Variants in CSMD1 observed in about 807,000 individuals in gnomAD.
CSMD1 encodes CUB and Sushi multiple domains 1.
A neutral mutation model predicts 417.5 loss-of-function variants in CSMD1; 213 were observed. That is an observed-to-expected ratio of 0.51 (90% CI 0.46 to 0.57). The LOEUF is 0.57. Among genes scored for constraint, CSMD1 ranks in the 20% least tolerant of loss-of-function variants. The pLI, the probability that CSMD1 is intolerant of heterozygous loss-of-function variation, is 0.00. For missense variants in CSMD1, 6,923 were observed against 4,529.7 expected, an observed-to-expected ratio of 1.53 and a Z score of -15.17; for synonymous variants, 2,862 against 1,736.8, an observed-to-expected ratio of 1.65 and a Z score of -16.11.
intron 6 of CSMD1, among the ~76,000 whole-genome samples, chr8:3,726,283 C>G (rs1215791437): frequency 1.3e-5 from 2 of 152,170 alleles, no homozygotes; most frequent in African/African-American, 4.8e-5. Context: ...ACATCGTCTC[C>G]CTTAAAAAAT....
intron 6 of CSMD1, among the ~76,000 whole-genome samples, chr8:3,744,946 A>C (rs1157267654): frequency 6.6e-6 from 1 of 152,168 alleles, no homozygotes; most frequent in Non-Finnish European, 1.5e-5. Context: ...TAAGGGCTTT[A>C]ATGAGGACAG....
chr8:4,900,225 C>G (rs913347247), intron 1 of CSMD1, among the ~76,000 whole-genome samples: 5 of 152,134 alleles, frequency 3.3e-5, no homozygotes, highest in African/African-American at 1.2e-4. Context: ...GCCTCTATCT[C>G]CAACCTCCCT....
At chr8:3,894,072 C>T (rs1807180073) in intron 5 of CSMD1, among the ~76,000 whole-genome samples, 1 of 152,136 alleles carries the variant, frequency 6.6e-6, no homozygotes, top group African/African-American at 2.4e-5. Context: ...TCACAAGCAG[C>T]AAGCCGTTAA....
intron 7 of CSMD1, among the ~76,000 whole-genome samples, chr8:3,698,017 C>T (rs1038558898): frequency 3.3e-5 from 5 of 151,890 alleles, no homozygotes; most frequent in South Asian, 2.1e-4. Flanking sequence ...TCAGGCTATA[C>T]ATTGTTTTAT....
At chr8:3,277,897 G>T (rs549840883) in intron 26 of CSMD1, among the ~76,000 whole-genome samples, 2 of 152,316 alleles carry the variant, frequency 1.3e-5, no homozygotes, top group East Asian at 1.9e-4. Flanking sequence ...CCCTACAAAA[G>T]TGACAATTTT....
chr8:3,000,124 G>C lies in CSMD1; in HGVS notation c.8037C>G (p.His2679Gln). The change falls in exon 53 of 70, where the codon CAC (histidine) becomes CAG (glutamine). Residue 2679 changes from histidine (H) to glutamine (Q), a missense_variant. Physicochemically the swap from His to Gln is conservative, Grantham distance 24. Transcript: ENST00000635120. Reference sequence around the variant, plus strand: ...TCACAATCGGGTCTGGGGAACCGCAGTGGCCAGCTAAAAATGTTAAACCAA... The same window carrying C: ...TCACAATCGGGTCTGGGGAACCGCACTGGCCAGCTAAAAATGTTAAACCAA... ...SGSETRCLAG[H>Q]CGSPDPIVNG... 1 of 1,543,110 alleles carries C rather than the reference G, an allele frequency of 6.5e-7. No homozygotes were observed. The highest frequency in any genetic ancestry group is 8.8e-7 in the Non-Finnish European group (1 of 1,142,078).
chr8:4,293,175 GAA>G (rs1243995103), intron 3 of CSMD1, among the ~76,000 whole-genome samples: 4 of 152,180 alleles, frequency 2.6e-5, no homozygotes, highest in African/African-American at 9.6e-5. Flanking sequence ...TCTGAGGACT[GAA>G]CCTCCCTGGC....
intron 1 of CSMD1, among the ~76,000 whole-genome samples, chr8:4,961,374 G>A (rs1395593187): frequency 6.6e-6 from 1 of 151,968 alleles, no homozygotes; most frequent in Non-Finnish European, 1.5e-5. Flanking sequence ...TGCCCCTGAG[G>A]CATTCAGTAG....
At chr8:2,975,235 A>C (rs1171203240) in intron 55 of CSMD1, among the ~76,000 whole-genome samples, 3 of 152,188 alleles carry the variant, frequency 2.0e-5, no homozygotes, top group Non-Finnish European at 4.4e-5. Flanking sequence ...TTTCCTTAAA[A>C]TTATACCAAA....
intron 1 of CSMD1, among the ~76,000 whole-genome samples, chr8:4,965,656 G>C (rs1809810866): frequency 6.6e-6 from 1 of 152,168 alleles, no homozygotes; most frequent in Non-Finnish European, 1.5e-5. Context: ...TGGAATGAAA[G>C]TACATGCTCT....
At chr8:3,966,161 C>T (rs1474925571) in intron 5 of CSMD1, among the ~76,000 whole-genome samples, 4 of 152,086 alleles carry the variant, frequency 2.6e-5, no homozygotes, top group African/African-American at 4.8e-5. Flanking sequence ...GTTAATAGGA[C>T]GGCAAAGGAG....
At position 3,814,055 on chromosome 8, in the gene CSMD1, T is replaced by C. The variant is rs567568660; in HGVS notation, c.819-60013A>G. Among the ~76,000 whole-genome samples the C allele has an allele frequency of 4.8e-4, 73 of 152,320 alleles. 2 individuals carry two copies. Among genetic ancestry groups the C allele is most frequent in the Middle Eastern group, 3.4e-3 (1 of 294 alleles). ...GTCTTTAAAATAAAGCTGATGCTTATTATTCTGCAAAATGTGTTTCAAATT... is the reference window on the plus strand; with the variant it reads ...GTCTTTAAAATAAAGCTGATGCTTACTATTCTGCAAAATGTGTTTCAAATT... On this transcript the variant is annotated intron_variant, in intron 5 of 69. Coordinates refer to ENST00000635120, the MANE Select transcript of CSMD1 (RefSeq NM_033225.6).
At chr8:3,953,927 G>A (rs992157368) in intron 5 of CSMD1, among the ~76,000 whole-genome samples, 1 of 152,226 alleles carries the variant, frequency 6.6e-6, no homozygotes, top group Non-Finnish European at 1.5e-5. Context: ...GAACGGCCCT[G>A]GCAAGGGTGG....
At chr8:4,468,084 G>C (rs961410517) in intron 2 of CSMD1, among the ~76,000 whole-genome samples, 1 of 152,126 alleles carries the variant, frequency 6.6e-6, no homozygotes, top group Non-Finnish European at 1.5e-5. Context: ...AAATTGATCT[G>C]CACTGTTCTG....
chr8:3,484,154 G>A (rs536834891), intron 11 of CSMD1, among the ~76,000 whole-genome samples: 28 of 152,282 alleles, frequency 1.8e-4, no homozygotes, highest in Non-Finnish European at 3.1e-4. Flanking sequence ...ACAATAAAGT[G>A]AGAAACATCA....
intron 1 of CSMD1, among the ~76,000 whole-genome samples, chr8:4,937,198 G>C (rs530305237): frequency 2.0e-5 from 3 of 151,678 alleles, no homozygotes; most frequent in Non-Finnish European, 4.4e-5. Context: ...GAGCAACAGA[G>C]CCAGGCCCTG....
rs571370539 is a variant in CSMD1 at position 3,202,021 on chromosome 8, G to A, written c.4985-296C>T. On this transcript the variant is annotated intron_variant, in intron 31 of 69. Coordinates refer to ENST00000635120, the MANE Select transcript of CSMD1 (RefSeq NM_033225.6). ...ATAAACACAACATTAAGAATATATG[G>A]GCTGGATGTGGTGGCTCACGCCTGT... 3.9e-5 allele frequency among the ~76,000 whole-genome samples: 6 copies of A among 152,108 alleles called. No homozygotes were observed. In the South Asian group the frequency reaches 8.3e-4, roughly 21 times the overall value.
chr8:4,201,540 C>CAAAAA (rs1157479482), intron 3 of CSMD1, among the ~76,000 whole-genome samples: 1 of 59,030 alleles, frequency 1.7e-5, no homozygotes, highest in African/African-American at 7.2e-5. Flanking sequence ...TCTGTCTCCA[C>CAAAAA]AAAAAAAAAA....
chr8:4,106,167 G>C (rs1400017344), intron 3 of CSMD1, among the ~76,000 whole-genome samples: 3 of 152,140 alleles, frequency 2.0e-5, no homozygotes, highest in African/African-American at 4.8e-5. Context: ...GTACAGACCA[G>C]CGTCTGTGCC....
Sources: gnomAD v4.1 joint callset for allele counts (sites outside exome capture counted in the v4.1 genomes callset) on GRCh38, gnomAD v4.1.1 for gene constraint, MANE v1.5 for transcripts, NCBI Gene and HGNC (gene_info 2026-07-23, HGNC 2026-07-21) for gene names.